The following NINJ2 variants were observed in gnomAD, a reference collection of about 807,000 sequenced individuals.
NINJ2 encodes the protein ninjurin 2.
Under a neutral mutation model 11.7 loss-of-function variants are expected in NINJ2, and 12 were observed. That is an observed-to-expected ratio of 1.02 (90% confidence interval 0.66 to 1.66). The LOEUF (loss-of-function observed/expected upper bound fraction) is 1.66. NINJ2 is among the 40% of genes most tolerant of loss of function. The probability of loss-of-function intolerance (pLI) is 0.00; values close to 1 mark genes in which losing one functional copy is unlikely to be tolerated. For synonymous variants in NINJ2, 93 were observed against 76.8 expected (o/e 1.21, Z -1.10); for missense variants, 187 against 181.8 (o/e 1.03, Z -0.16).
intron 1 of NINJ2, chr12:645,207 A>G (rs1937657679): frequency 6.6e-6 from 1 of 152,204 alleles, no homozygotes; most frequent in African/African-American, 2.4e-5. Flanking sequence ...GTCAATCAGT[A>G]TATGCCTTGA....
chr12:649,531 G>GTATATATATATATA (rs58255301), intron 1 of NINJ2, among the ~76,000 whole-genome samples: 1,532 of 127,616 alleles, frequency 0.012, 46 homozygotes, highest in African/African-American at 0.036. Flanking sequence ...GTGTATATGT[G>GTATATATATATATA]TATATATATA....
In NINJ2 at chr12:580,934, C is replaced by T. The variant is rs11608402; in HGVS notation, c.34-14756G>A. Among the ~76,000 whole-genome samples the T allele has an allele frequency of 0.28, 40,952 of 148,406 alleles. 5,879 individuals carry two copies. Among genetic ancestry groups the T allele is most frequent in the South Asian group, 0.38 (1,798 of 4,688 alleles). ...TGTCTGTATGTTTGTGTGTGTGTGC[C>T]TGTGTGTCTGTGTGTATTCATGTGT... On this transcript the variant is annotated intron_variant, in intron 1 of 3. Coordinates refer to ENST00000305108, the MANE Select transcript of NINJ2 (RefSeq NM_016533.6). This position sits in a 1 kb window ranked among gnomAD's most constrained non-coding sequence, Gnocchi z 4.7.
chr12:615,449 G>T (rs11830105), intron 1 of NINJ2, among the ~76,000 whole-genome samples: 40,365 of 151,984 alleles, frequency 0.27, 5,418 homozygotes, highest in East Asian at 0.31. Context: ...TTAGCCGGGC[G>T]TAGTGGCGCA....
At chr12:607,675 G>A (rs1947958196) in intron 1 of NINJ2, among the ~76,000 whole-genome samples, 2 of 152,216 alleles carry the variant, frequency 1.3e-5, no homozygotes. Context: ...CTGAGCTAAT[G>A]CCACCTTTCT....
intron 1 of NINJ2, among the ~76,000 whole-genome samples, chr12:600,865 C>CT (rs904069596): frequency 2.0e-5 from 3 of 151,972 alleles, no homozygotes; most frequent in African/African-American, 7.3e-5. Flanking sequence ...TTGTAAGTTT[C>CT]TTTTTTTCTA....
intron 1 of NINJ2, among the ~76,000 whole-genome samples, chr12:595,753 TA>T (rs1280039061): frequency 3.3e-5 from 5 of 151,650 alleles, no homozygotes; most frequent in African/African-American, 7.3e-5. Context: ...AACTCCGTCT[TA>T]GGGGGAAAAA....
At chr12:588,495 G>C (rs569184159) in intron 1 of NINJ2, among the ~76,000 whole-genome samples, 1 of 152,132 alleles carries the variant, frequency 6.6e-6, no homozygotes, top group Non-Finnish European at 1.5e-5. Flanking sequence ...ATCTGAAGTC[G>C]TGTCATTCTC....
rs541829513 is a variant in NINJ2 at position 591,620 on chromosome 12, C to G, written c.34-25442G>C. Among the ~76,000 whole-genome samples, 1 of 152,198 alleles carries G rather than the reference C, an allele frequency of 6.6e-6. No individual in the cohort carries two copies. Among genetic ancestry groups the G allele is most frequent in the South Asian group, 2.1e-4 (1 of 4,796 alleles). On this transcript the variant is annotated intron_variant, in intron 1 of 3. Transcript: ENST00000305108. This position sits in a 1 kb window ranked among gnomAD's most constrained non-coding sequence, Gnocchi z 5.0. ...AAGCAGGGGCCTTTTGGCTGAGCTC[C>G]GAGTCCCTGGAGGGACAGTGTCTGC... is the stretch of plus-strand genomic sequence containing the variant.
chr12:643,628 C>G (rs1198637601), intron 1 of NINJ2: 30 of 987,952 alleles, frequency 3.0e-5, no homozygotes, highest in Non-Finnish European at 3.5e-5. Context: ...CGAGCGGCTG[C>G]TTTGCAACGA....
rs1301201586 is a variant in NINJ2 at position 660,340 on chromosome 12, C to T, written c.33+2988G>A. On this transcript the variant is annotated intron_variant, in intron 1 of 3. Transcript: ENST00000305108. ...ATCACAGGTCTGATAAGTTGTTATG[C>T]TTTCTTTCTTTTTTCTTTTCTTTTT... Among the ~76,000 whole-genome samples the T allele has an allele frequency of 2.2e-5, 3 of 134,282 alleles. No individual in the cohort carries two copies. The East Asian group carries it at 7.3e-4, about 33-fold the overall frequency. 88.1% of individuals were successfully genotyped at this position (134,282 alleles called of 152,430 possible).
At chr12:576,425 T>C (rs1565620809) in intron 1 of NINJ2, among the ~76,000 whole-genome samples, 3 of 152,208 alleles carry the variant, frequency 2.0e-5, no homozygotes. Context: ...AAGCAGAGTG[T>C]GTAGGGAAGA....
At chr12:627,751 G>A (rs906218975) in intron 1 of NINJ2, among the ~76,000 whole-genome samples, 1 of 152,196 alleles carries the variant, frequency 6.6e-6, no homozygotes, top group Non-Finnish European at 1.5e-5. Flanking sequence ...AGAGACCCCT[G>A]CCAAAATCTC....
intron 1 of NINJ2, among the ~76,000 whole-genome samples, chr12:654,851 A>G (rs1308313210): frequency 6.6e-6 from 1 of 151,472 alleles, no homozygotes; most frequent in Non-Finnish European, 1.5e-5. Context: ...GAGATCAACT[A>G]TTGCACTCCA....
chr12:625,414 G>C (rs915745258), intron 1 of NINJ2, among the ~76,000 whole-genome samples: 2 of 136,082 alleles, frequency 1.5e-5, no homozygotes, highest in Non-Finnish European at 3.3e-5. Flanking sequence ...AGAGTAGTTT[G>C]GGAATTTCAG....
chr12:600,656 GT>G (rs1565630339), intron 1 of NINJ2, among the ~76,000 whole-genome samples: 357 of 16,888 alleles, frequency 0.021, no homozygotes, highest in East Asian at 0.1. Flanking sequence ...TTTTTGGGGT[GT>G]GTGTGTGTGT....
chr12:658,384 A>T (rs974206605), intron 1 of NINJ2, among the ~76,000 whole-genome samples: 1 of 152,166 alleles, frequency 6.6e-6, no homozygotes, highest in African/African-American at 2.4e-5. Flanking sequence ...AATAAAATAA[A>T]CAGTAGTACA....
At chr12:609,944 TAAAAA>T (rs60084425) in intron 1 of NINJ2, among the ~76,000 whole-genome samples, 6 of 126,882 alleles carry the variant, frequency 4.7e-5, no homozygotes, top group Non-Finnish European at 6.4e-5. Flanking sequence ...GACCCTGTCT[TAAAAA>T]AAAAAAAAAA....
At chr12:587,250 G>T (rs976766111) in intron 1 of NINJ2, among the ~76,000 whole-genome samples, 1 of 152,114 alleles carries the variant, frequency 6.6e-6, no homozygotes, top group African/African-American at 2.4e-5. Context: ...CAAACGGGGA[G>T]GTCTGCATCC....
chr12:639,162 G>A (rs976113899), intron 1 of NINJ2, among the ~76,000 whole-genome samples: 3 of 152,020 alleles, frequency 2.0e-5, no homozygotes, highest in Admixed American at 6.6e-5. Context: ...TTACAATCTC[G>A]TGTGGCAGAA....
Sources: allele counts gnomAD v4.1 joint callset (sites outside exome capture counted in the v4.1 genomes callset), GRCh38; gene constraint gnomAD v4.1.1; non-coding constraint Gnocchi (gnomAD v3.1); transcripts MANE v1.5; gene names NCBI Gene and HGNC (gene_info 2026-07-23, HGNC 2026-07-21).